The following ADCY2 variants were observed in gnomAD, a reference collection of about 807,000 sequenced individuals.
The protein encoded by ADCY2 is adenylate cyclase type 2.
Under a neutral mutation model 125.2 loss-of-function variants are expected in ADCY2, and 31 were observed. The ratio of observed to expected loss-of-function variants is 0.25; its 90% confidence interval spans 0.19 to 0.33. The LOEUF (loss-of-function observed/expected upper bound fraction) is 0.33. Ranked by LOEUF, ADCY2 falls within the 10% of genes least tolerant of loss-of-function variation. The probability of loss-of-function intolerance (pLI) is 1.00; values close to 1 mark genes in which losing one functional copy is unlikely to be tolerated. For synonymous variants in ADCY2, 512 were observed against 548.4 expected (o/e 0.93, Z 0.93); for missense variants, 904 against 1,418.2 (o/e 0.64, Z 5.82).
chr5:7,471,756 A>C (rs1742347519), intron 2 of ADCY2, among the ~76,000 whole-genome samples: 1 of 151,762 alleles, frequency 6.6e-6, no homozygotes, highest in Admixed American at 6.6e-5. Flanking sequence ...GCTTGTCTGA[A>C]AAAAAGTGTC....
intron 12 of ADCY2, among the ~76,000 whole-genome samples, chr5:7,722,049 G>A (rs1561187406): frequency 6.6e-6 from 1 of 152,198 alleles, no homozygotes; most frequent in Non-Finnish European, 1.5e-5. Context: ...GACAAGGTGA[G>A]AATTAGGCCC....
intron 4 of ADCY2, among the ~76,000 whole-genome samples, chr5:7,631,226 C>A (rs1355294399): frequency 1.3e-5 from 2 of 152,184 alleles, no homozygotes; most frequent in South Asian, 4.1e-4. Flanking sequence ...ATCTCAAGAT[C>A]TTTAATTTAA....
chr5:7,616,100 G>A (rs1223414806), intron 3 of ADCY2, among the ~76,000 whole-genome samples: 7 of 152,064 alleles, frequency 4.6e-5, no homozygotes, highest in Admixed American at 2.6e-4. Context: ...TGGGAATTTC[G>A]TTTAGTCTAG....
At chr5:7,574,422 G>T (rs1177706447) in intron 3 of ADCY2, among the ~76,000 whole-genome samples, 1 of 152,086 alleles carries the variant, frequency 6.6e-6, no homozygotes, top group Non-Finnish European at 1.5e-5. Context: ...TTTTCTTAAT[G>T]GCTAAAGAAA....
At chr5:7,456,123 T>C (rs1334750622) in intron 2 of ADCY2, among the ~76,000 whole-genome samples, 3 of 151,940 alleles carry the variant, frequency 2.0e-5, no homozygotes, top group Non-Finnish European at 4.4e-5. Context: ...ATTCATTAGC[T>C]ATATTTATAG....
chr5:7,713,195 A>G (rs1741492047), intron 11 of ADCY2, among the ~76,000 whole-genome samples: 1 of 152,176 alleles, frequency 6.6e-6, no homozygotes, highest in African/African-American at 2.4e-5. Context: ...GAATTGTCTT[A>G]AAATGGGTAT....
intron 2 of ADCY2, among the ~76,000 whole-genome samples, chr5:7,485,857 TAGG>T (rs564474115): frequency 9.9e-4 from 151 of 152,300 alleles, no homozygotes; most frequent in Middle Eastern, 3.4e-3. Flanking sequence ...GAAAAACAGA[TAGG>T]AGGAGAAATA....
At chr5:7,593,309 A>G (rs1019748660) in intron 3 of ADCY2, among the ~76,000 whole-genome samples, 1 of 152,234 alleles carries the variant, frequency 6.6e-6, no homozygotes, top group Admixed American at 6.5e-5. Flanking sequence ...ATTTCAGTGT[A>G]AAGTGTGAAA....
intron 4 of ADCY2, among the ~76,000 whole-genome samples, chr5:7,628,469 G>A (rs1738203704): frequency 1.3e-5 from 2 of 152,210 alleles, no homozygotes; most frequent in African/African-American, 4.8e-5. Flanking sequence ...CTGAGGGTAA[G>A]AGGAGCCACA....
intron 4 of ADCY2, among the ~76,000 whole-genome samples, chr5:7,631,706 C>A (rs1035192296): frequency 6.6e-6 from 1 of 152,184 alleles, no homozygotes; most frequent in Non-Finnish European, 1.5e-5. Context: ...CCATCTTACT[C>A]CCTCCATGAC....
intron 2 of ADCY2, among the ~76,000 whole-genome samples, chr5:7,424,006 G>C (rs1160094620): frequency 2.0e-5 from 3 of 152,142 alleles, no homozygotes; most frequent in African/African-American, 7.2e-5. Context: ...CTAAAACCCT[G>C]ATTCACCATT....
intron 3 of ADCY2, among the ~76,000 whole-genome samples, chr5:7,603,808 T>TC (rs1737308276): frequency 8.0e-6 from 1 of 124,666 alleles, no homozygotes; most frequent in Non-Finnish European, 1.7e-5. Flanking sequence ...TTTTTTTTTT[T>TC]TCTTTTGTTT....
intron 4 of ADCY2, among the ~76,000 whole-genome samples, chr5:7,682,789 T>C (rs1363359887): frequency 5.9e-5 from 9 of 152,200 alleles, no homozygotes; most frequent in Non-Finnish European, 1.5e-5. Flanking sequence ...ACTGGCTGAT[T>C]AATCCCCATT....
At chr5:7,722,196 A>G (rs1451290690) in intron 12 of ADCY2, among the ~76,000 whole-genome samples, 7 of 152,124 alleles carry the variant, frequency 4.6e-5, no homozygotes, top group Admixed American at 4.6e-4. Context: ...GAAGCACCAC[A>G]TGGGTTCTGG....
At chr5:7,542,918 T>C (rs201885722) in intron 3 of ADCY2, among the ~76,000 whole-genome samples, 2 of 152,182 alleles carry the variant, frequency 1.3e-5, no homozygotes, top group Non-Finnish European at 2.9e-5. Context: ...CTTTAAACCA[T>C]TTCTCTAGAC....
At chr5:7,488,459 C>T (rs1009612944) in intron 2 of ADCY2, among the ~76,000 whole-genome samples, 1 of 152,132 alleles carries the variant, frequency 6.6e-6, no homozygotes, top group Non-Finnish European at 1.5e-5. Flanking sequence ...CCCTCCATCC[C>T]TCTGTCTTGT....
At chr5:7,608,792 G>T (rs1290548079) in intron 3 of ADCY2, among the ~76,000 whole-genome samples, 1 of 152,110 alleles carries the variant, frequency 6.6e-6, no homozygotes, top group Non-Finnish European at 1.5e-5. Context: ...TATGACCTCT[G>T]TTGAGAATGC....
intron 14 of ADCY2, among the ~76,000 whole-genome samples, chr5:7,732,955 G>C (rs769451696): frequency 2.0e-5 from 3 of 152,164 alleles, no homozygotes; most frequent in Admixed American, 6.5e-5. Flanking sequence ...CACTCTGTCT[G>C]CCCTGTAGTA....
intron 3 of ADCY2, among the ~76,000 whole-genome samples, chr5:7,616,561 T>G (rs757476799): frequency 1.3e-5 from 2 of 152,206 alleles, no homozygotes; most frequent in African/African-American, 2.4e-5. Context: ...GTGGAATGAC[T>G]AAAGGGTATT....
Sources: gnomAD v4.1 joint callset for allele counts (sites outside exome capture counted in the v4.1 genomes callset) on GRCh38, gnomAD v4.1.1 for gene constraint, MANE v1.5 for transcripts, NCBI Gene and HGNC (gene_info 2026-07-23, HGNC 2026-07-21) for gene names.